ZNF107: variants seen among roughly 807,000 people sequenced by gnomAD.
The protein encoded by ZNF107 is C2H2 type zinc-finger protein.
A neutral mutation model predicts 12.3 loss-of-function variants in ZNF107; 19 were observed. That is an observed-to-expected ratio of 1.55 (90% CI 1.08 to 2.27). The LOEUF (loss-of-function observed/expected upper bound fraction) is 2.27, where lower values mean the gene tolerates loss of function less well. Among genes scored for constraint, ZNF107 ranks in the 30% most tolerant of loss-of-function variants. The probability of loss-of-function intolerance (pLI) is 0.00; values close to 1 mark genes in which losing one functional copy is unlikely to be tolerated. For missense variants in ZNF107, 958 were observed against 979.9 expected, an observed-to-expected ratio of 0.98 and a Z score of 0.30; for synonymous variants, 317 against 330.5, an observed-to-expected ratio of 0.96 and a Z score of 0.44.
chr7:64,696,810 T>C (rs1468016647), intron 3 of ZNF107, among the ~76,000 whole-genome samples: 1 of 152,148 alleles, frequency 6.6e-6, no homozygotes, highest in African/African-American at 2.4e-5. Context: ...AAGATTTATT[T>C]ATTTATTTAT....
intron 1 of ZNF107, among the ~76,000 whole-genome samples, chr7:64,672,397 C>T (rs963676628): frequency 6.6e-6 from 1 of 152,052 alleles, no homozygotes; most frequent in Non-Finnish European, 1.5e-5. Flanking sequence ...CATCTTGTCA[C>T]ACAGGCTGAA....
chr7:64,700,506 CTTTTTTTTTTTTTTTT>C (rs141980471), intron 3 of ZNF107, among the ~76,000 whole-genome samples: 3 of 66,252 alleles, frequency 4.5e-5, no homozygotes, highest in East Asian at 5.8e-4. Context: ...CCAAATAAAC[CTTTTTTTTTTTTTTTT>C]TTTTTTTTTT....
At position 64,707,740 on chromosome 7, in the gene ZNF107, G is replaced by A. The variant is rs370014833; in HGVS notation, c.1643G>A (p.Arg548Gln). ...GAGGAATGTGGCAAAGCTTTTAACC[G>A]ATTCTCAACCCTTACTAAACATAAG... is the stretch of plus-strand genomic sequence containing the variant. ...KCEECGKAFN[R>Q]FSTLTKHKRI... The change falls in exon 4 of 4, where the codon CGA (arginine) becomes CAA (glutamine). Residue 548 changes from arginine to glutamine, a missense_variant. Transcript: ENST00000620827. 1.2e-5 allele frequency: 19 copies of A among 1,609,820 alleles called. No individual in the cohort carries two copies. The highest frequency in any genetic ancestry group is 3.4e-5 in the Admixed American group (2 of 59,612).
At chr7:64,699,679 G>A (rs1394427295) in intron 3 of ZNF107, among the ~76,000 whole-genome samples, 1 of 152,094 alleles carries the variant, frequency 6.6e-6, no homozygotes, top group African/African-American at 2.4e-5. Flanking sequence ...ATCTTCCCAC[G>A]TTGGTCTCAT....
rs1790511957 is a variant in ZNF107 at position 64,702,593 on chromosome 7, TC to T, written c.227-3730del. Reference sequence around the variant, plus strand: ...TTTTTTTCTTGAGACAAAGTTTCGCTCTTGTTCAGGCTGAAGTGCAGTGGTG... The same window carrying T: ...TTTTTTTCTTGAGACAAAGTTTCGCTTTGTTCAGGCTGAAGTGCAGTGGTG... On this transcript the variant is annotated intron_variant, in intron 3 of 3. Transcript: ENST00000620827. Among the ~76,000 whole-genome samples the T allele has an allele frequency of 2.6e-5, 4 of 152,230 alleles. No individual in the cohort carries two copies. The South Asian group carries it at 8.3e-4, about 32-fold the overall frequency.
intron 1 of ZNF107, among the ~76,000 whole-genome samples, chr7:64,678,056 A>G (rs1296005543): frequency 2.6e-5 from 4 of 152,216 alleles, no homozygotes; most frequent in South Asian, 2.1e-4. Flanking sequence ...TGAACGATAC[A>G]TAAATTATAT....
At chr7:64,704,459 T>C (rs901631133) in intron 3 of ZNF107, among the ~76,000 whole-genome samples, 3 of 152,080 alleles carry the variant, frequency 2.0e-5, no homozygotes, top group Non-Finnish European at 4.4e-5. Flanking sequence ...TTTGCCAGGA[T>C]GGTCTCAATC....
chr7:64,698,692 A>G (rs1187351016), intron 3 of ZNF107, among the ~76,000 whole-genome samples: 1 of 152,198 alleles, frequency 6.6e-6, no homozygotes, highest in Non-Finnish European at 1.5e-5. Flanking sequence ...AAGTGCTGGA[A>G]TTACAGGCGT....
At chr7:64,679,252 T>G in intron 1 of ZNF107, 1 of 984,928 alleles carries the variant, frequency 1.0e-6, no homozygotes, top group Non-Finnish European at 1.2e-6. Context: ...CCTTAACCCC[T>G]TCCCCCGACT....
chr7:64,671,875 G>A (rs1267782644), intron 1 of ZNF107, among the ~76,000 whole-genome samples: 2 of 146,448 alleles, frequency 1.4e-5, no homozygotes, highest in Non-Finnish European at 3.0e-5. Flanking sequence ...TCTGCCTCCC[G>A]GGTTCAGGCC....
intron 3 of ZNF107, among the ~76,000 whole-genome samples, chr7:64,699,039 ATCTG>A (rs760700553): frequency 1.2e-4 from 18 of 151,580 alleles, no homozygotes; most frequent in African/African-American, 4.4e-4. Flanking sequence ...TCATCTGTTT[ATCTG>A]TCTGTGTCAG....
rs141980471 is a variant in ZNF107 at position 64,700,506 on chromosome 7, CTTTTTTTTTTTT to C, written c.227-5800_227-5789del. Among the ~76,000 whole-genome samples, 5 of 66,252 alleles carry C rather than the reference CTTTTTTTTTTTT, an allele frequency of 7.5e-5. 1 individual carries two copies. The highest frequency in any genetic ancestry group is 1.8e-3 in the South Asian group (2 of 1,096). The allele number at this position is 66,252 out of a possible 152,430, so 43.5% of individuals were successfully genotyped here. ...GTCTGTCAAACCAAGCCAAATAAAC[CTTTTTTTTTTTT>C]TTTTTTTTTTTTTTTTTGAGACTGA... On this transcript the variant is annotated intron_variant, in intron 3 of 3. Coordinates refer to ENST00000620827, the MANE Select transcript of ZNF107 (RefSeq NM_001282359.2).
At chr7:64,695,573 A>C (rs372107540) in intron 3 of ZNF107, among the ~76,000 whole-genome samples, 3 of 152,320 alleles carry the variant, frequency 2.0e-5, no homozygotes, top group East Asian at 3.9e-4. Context: ...CTGTTTGTAC[A>C]CTTTTAAGTC....
intron 1 of ZNF107, among the ~76,000 whole-genome samples, chr7:64,669,716 A>C (rs1429667997): frequency 6.6e-6 from 1 of 152,152 alleles, no homozygotes; most frequent in African/African-American, 2.4e-5. Flanking sequence ...TGAATCTGGG[A>C]GGCAGAGGTT....
At chr7:64,700,618 C>T (rs905211033) in intron 3 of ZNF107, among the ~76,000 whole-genome samples, 3 of 145,110 alleles carry the variant, frequency 2.1e-5, no homozygotes, top group African/African-American at 7.7e-5. Flanking sequence ...CAGCTCACTG[C>T]AACCTCAGCC....
At chr7:64,671,264 G>A (rs752697973) in intron 1 of ZNF107, among the ~76,000 whole-genome samples, 5 of 151,982 alleles carry the variant, frequency 3.3e-5, no homozygotes, top group Admixed American at 3.3e-4. Context: ...CCCTTTTCTC[G>A]CAGCTGCCAT....
intron 3 of ZNF107, 135 bp downstream of exon 3, chr7:64,692,095 T>C (rs1790138527): frequency 1.9e-6 from 1 of 530,070 alleles, no homozygotes; most frequent in Non-Finnish European, 2.8e-6. Context: ...CTGAGTTTTT[T>C]TTTCTTTTGC....
chr7:64,688,999 G>A (rs1196703644), intron 1 of ZNF107, among the ~76,000 whole-genome samples: 4 of 152,098 alleles, frequency 2.6e-5, no homozygotes, highest in Non-Finnish European at 4.4e-5. Flanking sequence ...TCCACTTGCA[G>A]CTGCGCTAAT....
At chr7:64,702,150 G>GTTT (rs1360870792) in intron 3 of ZNF107, among the ~76,000 whole-genome samples, 1 of 138,176 alleles carries the variant, frequency 7.2e-6, no homozygotes, top group Non-Finnish European at 1.6e-5. Flanking sequence ...AGTTAAAACA[G>GTTT]TTTTATTTTT....
Sources: allele counts gnomAD v4.1 joint callset (sites outside exome capture counted in the v4.1 genomes callset), GRCh38; gene constraint gnomAD v4.1.1; transcripts MANE v1.5; gene names NCBI Gene and HGNC (gene_info 2026-07-23, HGNC 2026-07-21).